The following WDPCP variants were observed in gnomAD, a reference collection of about 807,000 sequenced individuals.
WDPCP encodes WD repeat-containing and planar cell polarity effector protein fritz homolog.
Under a neutral mutation model 93.1 loss-of-function variants are expected in WDPCP, and 71 were observed. The observed-to-expected ratio is 0.76, with a 90% CI of 0.63 to 0.93. The LOEUF is 0.93. WDPCP is among the 40% of genes least tolerant of loss of function. The pLI is 0.00. For synonymous variants in WDPCP, 315 were observed against 315.0 expected, an observed-to-expected ratio of 1.00 and a Z score of 0.00; for missense variants, 844 against 887.4, an observed-to-expected ratio of 0.95 and a Z score of 0.62.
intron 12 of WDPCP, among the ~76,000 whole-genome samples, chr2:63,316,038 C>T (rs1686612046): frequency 6.6e-6 from 1 of 151,914 alleles, no homozygotes; most frequent in South Asian, 2.1e-4. Flanking sequence ...GCTGGGACTA[C>T]AGGTGTGAGC....
intron 2 of WDPCP, among the ~76,000 whole-genome samples, chr2:63,654,577 T>A (rs1037777209): frequency 2.0e-5 from 3 of 152,222 alleles, no homozygotes; most frequent in African/African-American, 7.2e-5. Flanking sequence ...CTTTCCACAA[T>A]AAGGAACATG....
chr2:63,408,221 G>C (rs1233509470), intron 9 of WDPCP, among the ~76,000 whole-genome samples: 3 of 152,134 alleles, frequency 2.0e-5, no homozygotes. Flanking sequence ...GAAGCGGACT[G>C]CTCCTGCAGG....
At chr2:63,659,604 A>G (rs1710205006) in intron 2 of WDPCP, among the ~76,000 whole-genome samples, 2 of 152,312 alleles carry the variant, frequency 1.3e-5, no homozygotes, top group Admixed American at 6.5e-5. Flanking sequence ...GAAGCAAGCT[A>G]TGGATTCTCC....
chr2:63,686,439 G>T (rs1475738324), intron 2 of WDPCP, among the ~76,000 whole-genome samples: 2 of 152,178 alleles, frequency 1.3e-5, no homozygotes, highest in African/African-American at 4.8e-5. Flanking sequence ...AGATATTGAA[G>T]AGAACATTAA....
At chr2:63,266,777 G>C (rs548932707) in intron 13 of WDPCP, among the ~76,000 whole-genome samples, 1 of 152,214 alleles carries the variant, frequency 6.6e-6, no homozygotes, top group South Asian at 2.1e-4. Flanking sequence ...CTGCACTCTA[G>C]CCTGGGCAAC....
chr2:63,284,588 C>A (rs1683841570), intron 13 of WDPCP, among the ~76,000 whole-genome samples: 1 of 152,146 alleles, frequency 6.6e-6, no homozygotes, highest in African/African-American at 2.4e-5. Flanking sequence ...AACTTGAACA[C>A]AAGCACTGTA....
rs370677505 is a variant in WDPCP at position 63,542,104 on chromosome 2, C to T, written c.75+46093G>A. ...AGTGACTGCATAGCAATATCTTGGACGGGGTTTGAATGAACTATATATTTA... is the reference window on the plus strand; with the variant it reads ...AGTGACTGCATAGCAATATCTTGGATGGGGTTTGAATGAACTATATATTTA... On this transcript the variant is annotated intron_variant, in intron 1 of 17. Transcript: ENST00000272321. 5.3e-5 allele frequency among the ~76,000 whole-genome samples: 8 copies of T among 152,128 alleles called. No homozygotes were observed. The East Asian group carries it at 9.7e-4, about 18-fold the overall frequency.
intron 6 of WDPCP, among the ~76,000 whole-genome samples, chr2:63,454,858 A>G (rs994244281): frequency 3.3e-5 from 5 of 152,180 alleles, no homozygotes; most frequent in African/African-American, 1.2e-4. Context: ...ACTAACAGCA[A>G]ACTTCTCAGC....
chr2:63,684,297 G>A, intron 2 of WDPCP: 1 of 597,356 alleles, frequency 1.7e-6, no homozygotes, highest in Admixed American at 2.3e-5. Context: ...CCAAGTGGTT[G>A]CTGCTGAAAT....
At chr2:63,554,967 A>T (rs1705974516) in intron 1 of WDPCP, among the ~76,000 whole-genome samples, 1 of 152,204 alleles carries the variant, frequency 6.6e-6, no homozygotes, top group South Asian at 2.1e-4. Flanking sequence ...TTTTCCACAG[A>T]TCTGAGCAGT....
At chr2:63,802,885 G>A (rs1670716687) in intron 2 of WDPCP, among the ~76,000 whole-genome samples, 1 of 152,168 alleles carries the variant, frequency 6.6e-6, no homozygotes, top group South Asian at 2.1e-4. Context: ...TACACATATA[G>A]CTTGGGGCAT....
chr2:63,263,739 A>T (rs1681853003), intron 13 of WDPCP, among the ~76,000 whole-genome samples: 1 of 152,112 alleles, frequency 6.6e-6, no homozygotes, highest in South Asian at 2.1e-4. Flanking sequence ...TGAGTAGGCT[A>T]GCACATACAG....
intron 1 of WDPCP, among the ~76,000 whole-genome samples, chr2:63,567,010 C>T (rs1575663359): frequency 6.6e-6 from 1 of 151,982 alleles, no homozygotes; most frequent in Non-Finnish European, 1.5e-5. Flanking sequence ...GAGTTGAGGT[C>T]GGGGGTGGTG....
intron 2 of WDPCP, among the ~76,000 whole-genome samples, chr2:63,714,055 C>CTTTTTTTTTTT (rs747120283): frequency 1.5e-5 from 2 of 135,096 alleles, no homozygotes; most frequent in African/African-American, 2.7e-5. Context: ...CTTTTTTATT[C>CTTTTTTTTTTT]TTTTTTTTTT....
At chr2:63,210,921 A>T in intron 14 of WDPCP, among the ~76,000 whole-genome samples, 1 of 152,230 alleles carries the variant, frequency 6.6e-6, no homozygotes. Flanking sequence ...GACACCCGCC[A>T]TTGCTGAGGC....
intron 10 of WDPCP, among the ~76,000 whole-genome samples, chr2:63,384,565 C>G (rs1692576761): frequency 6.6e-6 from 1 of 151,944 alleles, no homozygotes. Context: ...GATGTCTTCA[C>G]TGGTGAATTC....
At chr2:63,499,250 A>G (rs1462467068) in intron 1 of WDPCP, among the ~76,000 whole-genome samples, 1 of 152,202 alleles carries the variant, frequency 6.6e-6, no homozygotes. Flanking sequence ...ATAGATAAAA[A>G]GGAGGGAACA....
intron 1 of WDPCP, among the ~76,000 whole-genome samples, chr2:63,505,712 C>T (rs1701828583): frequency 6.6e-6 from 1 of 151,874 alleles, no homozygotes; most frequent in Non-Finnish European, 1.5e-5. Flanking sequence ...CTCAAAAATA[C>T]CTACCTGAAA....
intron 2 of WDPCP, among the ~76,000 whole-genome samples, chr2:63,775,487 C>T (rs1670289135): frequency 6.6e-6 from 1 of 152,140 alleles, no homozygotes; most frequent in Non-Finnish European, 1.5e-5. Flanking sequence ...AAGCAGTTGG[C>T]TTGTTTGTGT....
Sources: allele counts gnomAD v4.1 joint callset (sites outside exome capture counted in the v4.1 genomes callset), GRCh38; gene constraint gnomAD v4.1.1; transcripts MANE v1.5; gene names NCBI Gene and HGNC (gene_info 2026-07-23, HGNC 2026-07-21).